The following U2AF2 variants were observed in gnomAD, a reference collection of about 807,000 sequenced individuals.
U2AF2 encodes splicing factor U2AF 65 kDa subunit.
U2AF2 carries 6 observed loss-of-function variants against 52.6 expected under a neutral mutation model. The observed-to-expected ratio is 0.11, with a 90% CI of 0.06 to 0.23. The LOEUF (loss-of-function observed/expected upper bound fraction) is 0.23. Among genes scored for constraint, U2AF2 ranks in the 10% least tolerant of loss-of-function variants. U2AF2 has a pLI of 1.00. For synonymous variants in U2AF2, 284 were observed against 258.2 expected (o/e 1.10, Z -0.96); for missense variants, 222 against 677.1 (o/e 0.33, Z 7.46).
At position 55,668,614 on chromosome 19, in the gene U2AF2, G is replaced by GGGC; in HGVS notation, c.822+28_822+29insGGC. On this transcript the variant is annotated intron_variant, in intron 8 of 11. Coordinates refer to ENST00000308924, the MANE Select transcript of U2AF2 (RefSeq NM_007279.3). The surrounding 1 kb of genome is among the most constrained non-coding windows in gnomAD (Gnocchi z 5.5). ...AACTTCCCTGCCTCCCTCCAGACCCGTCCCCCCACCCCGCCCCACCTCATC... is the reference window on the plus strand; with the variant it reads ...AACTTCCCTGCCTCCCTCCAGACCCGGGCTCCCCCCACCCCGCCCCACCTCATC... The GGGC allele has an allele frequency of 2.3e-6, 3 of 1,324,176 alleles. No individual in the cohort carries two copies. Among genetic ancestry groups the GGGC allele is most frequent in the Non-Finnish European group, 3.2e-6 (3 of 945,464 alleles). The allele number at this position is 1,324,176 out of a possible 1,614,324, so 82.0% of individuals were successfully genotyped here. A position where few individuals can be genotyped will look rare whatever the true frequency, so the allele number is the denominator to read the frequency against.
intron 5 of U2AF2, chr19:55,662,223 A>T: frequency 2.9e-6 from 1 of 346,974 alleles, no homozygotes; most frequent in South Asian, 6.7e-5. Flanking sequence ...CTTTCCCCTG[A>T]TTTTTTGGGG....
chr19:55,669,400 G>T, intron 10 of U2AF2, 44 bp from the exon 11 acceptor site: 1 of 1,562,368 alleles, frequency 6.4e-7, no homozygotes. Context: ...AGGGAGACTG[G>T]GTCTGGGCCC....
At chr19:55,673,120 T>C (rs1198164298) in intron 11 of U2AF2, among the ~76,000 whole-genome samples, 6 of 151,562 alleles carry the variant, frequency 4.0e-5, no homozygotes, top group African/African-American at 1.5e-4. Flanking sequence ...GGTTTCGCTA[T>C]GTTGGCCATG....
chr19:55,673,123 TG>T (rs1985029362), intron 11 of U2AF2, among the ~76,000 whole-genome samples: 1 of 151,274 alleles, frequency 6.6e-6, no homozygotes, highest in South Asian at 2.1e-4. Flanking sequence ...TTCGCTATGT[TG>T]GCCATGCTGG....
At chr19:55,660,102 TG>T (rs556643948) in intron 2 of U2AF2, 74 bp from the exon 3 acceptor site, 91 of 1,462,238 alleles carry the variant, frequency 6.2e-5, no homozygotes, top group Non-Finnish European at 7.8e-5. Context: ...TCAGTGCCCT[TG>T]GGGGGGTGTG....
chr19:55,671,512 G>A (rs953388660), intron 11 of U2AF2: 1 of 152,324 alleles, frequency 6.6e-6, no homozygotes, highest in East Asian at 1.9e-4. Context: ...GGACACTCAG[G>A]TGTCTGTCGA....
intron 1 of U2AF2, among the ~76,000 whole-genome samples, chr19:55,656,039 A>G (rs1386741355): frequency 6.6e-6 from 1 of 152,164 alleles, no homozygotes; most frequent in Non-Finnish European, 1.5e-5. Context: ...TAAACTCTTC[A>G]CTTACGGGGA....
Position 55,669,436 on chromosome 19 carries a change from C to A in U2AF2, c.1045-8C>A. 2 of 1,590,922 alleles carry A rather than the reference C, an allele frequency of 1.3e-6. No homozygotes were observed. Among genetic ancestry groups the A allele is most frequent in the South Asian group, 1.1e-5 (1 of 88,364 alleles). ...CCTGTGACGCCGCTGCCTCCCCTGG[C>A]CCCACAGAGCACCATCAATCAGACG... On this transcript the variant is annotated splice_region_variant and splice_polypyrimidine_tract_variant and intron_variant, in intron 10 of 11. Transcript: ENST00000308924.
At chr19:55,662,925 A>G (rs1984309828) in intron 6 of U2AF2, among the ~76,000 whole-genome samples, 1 of 151,674 alleles carries the variant, frequency 6.6e-6, no homozygotes, top group South Asian at 2.1e-4. Flanking sequence ...AGAACCTACC[A>G]TGCTCCTGCC....
At chr19:55,660,322 A>G (rs1984094029) in intron 3 of U2AF2, 101 bp downstream of exon 3, 2 of 1,394,856 alleles carry the variant, frequency 1.4e-6, no homozygotes, top group Non-Finnish European at 2.0e-6. Flanking sequence ...TGGCCCAAGC[A>G]CTGGGAAGAG....
In U2AF2 at chr19:55,669,869, G is replaced by A. The variant is rs374963283; in HGVS notation, c.1293+177G>A. ...TAGGTGTATGCCATCACTGAGTGCC[G>A]CCCTCAGGCCGGGCCATGGGAGATG... On this transcript the variant is annotated intron_variant, in intron 11 of 11. Transcript: ENST00000308924. 2.2e-4 allele frequency among the ~76,000 whole-genome samples: 34 copies of A among 152,250 alleles called. No homozygotes were observed. In the East Asian group the frequency reaches 5.8e-3, roughly 26 times the overall value.
intron 11 of U2AF2, 152 bp downstream of exon 11, chr19:55,669,844 T>C (rs969803887): frequency 2.4e-6 from 3 of 1,262,202 alleles, no homozygotes; most frequent in South Asian, 3.2e-5. Context: ...CGCGTGCGTA[T>C]AGGTGTATGC....
At chr19:55,665,486 GAC>G (rs1316576267) in intron 7 of U2AF2, among the ~76,000 whole-genome samples, 1 of 111,628 alleles carries the variant, frequency 9.0e-6, no homozygotes. Flanking sequence ...GCAGTTCTAC[GAC>G]ACAGGGATTG....
At chr19:55,665,004 C>T (rs1984457863) in intron 7 of U2AF2, among the ~76,000 whole-genome samples, 1 of 152,162 alleles carries the variant, frequency 6.6e-6, no homozygotes, top group Non-Finnish European at 1.5e-5. Flanking sequence ...AGGCATGAGC[C>T]ACTGCGCTCA....
At chr19:55,662,160 TC>T (rs763037598) in intron 5 of U2AF2, 33 of 205,596 alleles carry the variant, frequency 1.6e-4, no homozygotes, top group Admixed American at 3.3e-4. Context: ...TTCGTGTTTT[TC>T]TTCATTTTGT....
At chr19:55,660,485 C>A in intron 3 of U2AF2, 31 bp from the exon 4 acceptor site, 1 of 1,068,940 alleles carries the variant, frequency 9.4e-7, no homozygotes, top group Non-Finnish European at 1.4e-6. Context: ...TGAGGTTGCC[C>A]TGCCCCGCTC....
At chr19:55,673,744 T>C (rs1985085730) in intron 11 of U2AF2, among the ~76,000 whole-genome samples, 190 bp from the exon 12 acceptor site, 1 of 152,248 alleles carries the variant, frequency 6.6e-6, no homozygotes. Flanking sequence ...GTTTATGCTC[T>C]TGTTTTTTGA....
intron 1 of U2AF2, among the ~76,000 whole-genome samples, chr19:55,655,515 C>A (rs573043778): frequency 6.6e-6 from 1 of 152,232 alleles, no homozygotes; most frequent in Non-Finnish European, 1.5e-5. Context: ...TATGTTAGTC[C>A]CCGTAATCTC....
intron 10 of U2AF2, 107 bp from the exon 11 acceptor site, chr19:55,669,337 G>T: frequency 1.3e-6 from 2 of 1,543,652 alleles, no homozygotes; most frequent in Admixed American, 1.9e-5. Flanking sequence ...TGTTGGAAGT[G>T]GAGAGATGGC....
Sources: gnomAD v4.1 joint callset for allele counts (sites outside exome capture counted in the v4.1 genomes callset) on GRCh38, gnomAD v4.1.1 for gene constraint, Gnocchi (gnomAD v3.1) non-coding constraint, MANE v1.5 for transcripts, NCBI Gene and HGNC (gene_info 2026-07-23, HGNC 2026-07-21) for gene names.